Variants in MYO10 observed in about 807,000 individuals in gnomAD.
The protein encoded by MYO10 is unconventional myosin-X.
In MYO10, 133 loss-of-function variants were observed where a neutral mutation model predicts 257.3. The observed-to-expected ratio is 0.52, with a 90% CI of 0.45 to 0.60. The LOEUF (loss-of-function observed/expected upper bound fraction) is 0.60, where lower values mean the gene tolerates loss of function less well. Among genes scored for constraint, MYO10 ranks in the 20% least tolerant of loss-of-function variants. The pLI is 0.00. For missense variants in MYO10, 2,399 were observed against 2,635.7 expected, an observed-to-expected ratio of 0.91 and a Z score of 1.97; for synonymous variants, 1,104 against 1,028.6, an observed-to-expected ratio of 1.07 and a Z score of -1.40.
chr5:16,760,143 C>A lies in MYO10; in HGVS notation c.1739+1321G>T, dbSNP rs1359097003. Among the ~76,000 whole-genome samples, 9 of 152,030 alleles carry A rather than the reference C, an allele frequency of 5.9e-5. No homozygotes were observed. The South Asian group carries it at 1.0e-3, about 18-fold the overall frequency. Reference sequence around the variant, plus strand: ...TTTTCCCTAAACTCTTTCTCTCTTACAAAGCCTCCTAAAAATAGTACACTT... The same window carrying A: ...TTTTCCCTAAACTCTTTCTCTCTTAAAAAGCCTCCTAAAAATAGTACACTT... On this transcript the variant is annotated intron_variant, in intron 17 of 40. Transcript: ENST00000513610.
At chr5:16,766,635 T>C (rs1299154956) in intron 10 of MYO10, among the ~76,000 whole-genome samples, 1 of 152,120 alleles carries the variant, frequency 6.6e-6, no homozygotes, top group Non-Finnish European at 1.5e-5. Flanking sequence ...TTTCATCATG[T>C]TGGCCAGGAT....
At position 16,712,041 on chromosome 5, in the gene MYO10, A is replaced by G. The variant is rs528531447; in HGVS notation, c.1930-796T>C. Among the ~76,000 whole-genome samples the G allele has an allele frequency of 1.2e-4, 18 of 149,066 alleles. 2 individuals are homozygous for G. The South Asian group carries it at 3.7e-3, about 31-fold the overall frequency. ...TATTTTACTTTTTAAATTTGAATTT[A>G]AAGTCATTTTTTACCTAAGAACACA... On this transcript the variant is annotated intron_variant, in intron 19 of 40. Coordinates refer to ENST00000513610, the MANE Select transcript of MYO10 (RefSeq NM_012334.3).
chr5:16,877,428 T>C (rs949143139), intron 2 of MYO10, among the ~76,000 whole-genome samples, 181 bp downstream of exon 2: 1 of 152,220 alleles, frequency 6.6e-6, no homozygotes, highest in South Asian at 2.1e-4. Context: ...GAGAGAACTG[T>C]ATTGTATCTA....
At chr5:16,833,066 C>A (rs1441821240) in intron 2 of MYO10, among the ~76,000 whole-genome samples, 1 of 152,176 alleles carries the variant, frequency 6.6e-6, no homozygotes, top group Non-Finnish European at 1.5e-5. Context: ...TCTTTCAACC[C>A]AGACCTCTAC....
At chr5:16,825,747 G>A (rs1026068459) in intron 2 of MYO10, among the ~76,000 whole-genome samples, 3 of 152,214 alleles carry the variant, frequency 2.0e-5, no homozygotes, top group Non-Finnish European at 4.4e-5. Context: ...TATTCAGGAG[G>A]CTGAGGCATG....
intron 19 of MYO10, among the ~76,000 whole-genome samples, chr5:16,715,562 AGTGCTGGG>A (rs58611862): frequency 1.3e-5 from 2 of 151,230 alleles, no homozygotes; most frequent in African/African-American, 2.4e-5. Flanking sequence ...CGCCTCCCAA[AGTGCTGGG>A]ATTACAGGCA....
intron 19 of MYO10, among the ~76,000 whole-genome samples, chr5:16,740,253 G>A (rs905816796): frequency 1.3e-5 from 2 of 152,132 alleles, no homozygotes; most frequent in African/African-American, 4.8e-5. Context: ...AGCCGCTGGG[G>A]GAGCAAAGTG....
rs1435572705 is a variant in MYO10 at position 16,663,243 on chromosome 5, A to G, written c.*3449T>C. 2.0e-5 allele frequency: 3 copies of G among 151,954 alleles called. No individual in the cohort carries two copies. Among genetic ancestry groups the G allele is most frequent in the African/African-American group, 7.3e-5 (3 of 41,350 alleles). The allele number at this position is 151,954 out of a possible 1,614,324, so 9.4% of individuals were successfully genotyped here. On this transcript the variant is annotated 3_prime_UTR_variant, in exon 41 of 41. Coordinates refer to ENST00000513610, the MANE Select transcript of MYO10 (RefSeq NM_012334.3). ...AATTATTTTTGAGAGAATATTCAAT[A>G]AAACAGTAAAAATAGCTGTTTCTGG...
intron 14 of MYO10, among the ~76,000 whole-genome samples, chr5:16,762,984 A>T (rs2126651128): frequency 6.6e-6 from 1 of 152,074 alleles, no homozygotes; most frequent in South Asian, 2.1e-4. Flanking sequence ...AAAAAAAAAA[A>T]AAAAGTTGAA....
intron 2 of MYO10, among the ~76,000 whole-genome samples, chr5:16,870,345 T>C (rs1176107469): frequency 6.6e-6 from 1 of 151,500 alleles, no homozygotes; most frequent in Non-Finnish European, 1.5e-5. Flanking sequence ...TAAGTAATTA[T>C]GACCCTAAGG....
intron 11 of MYO10, among the ~76,000 whole-genome samples, chr5:16,765,491 AATCT>A (rs991160367): frequency 9.9e-5 from 15 of 152,146 alleles, no homozygotes; most frequent in Non-Finnish European, 1.8e-4. Context: ...TATATCTATC[AATCT>A]ATCTATCATA....
intron 19 of MYO10, among the ~76,000 whole-genome samples, chr5:16,722,072 C>G (rs80147814): frequency 0.014 from 2,068 of 152,264 alleles, 43 homozygotes; most frequent in African/African-American, 0.048. Context: ...CTGAAACTGG[C>G]CTCTCCACCT....
intron 2 of MYO10, among the ~76,000 whole-genome samples, chr5:16,874,225 T>C (rs1744528750): frequency 6.6e-6 from 1 of 150,862 alleles, no homozygotes; most frequent in Non-Finnish European, 1.5e-5. Flanking sequence ...TCCCAGCTAC[T>C]CAGGAGGCTG....
At chr5:16,833,177 T>C (rs1376843399) in intron 2 of MYO10, among the ~76,000 whole-genome samples, 1 of 152,118 alleles carries the variant, frequency 6.6e-6, no homozygotes, top group African/African-American at 2.4e-5. Flanking sequence ...ATTTTGAACT[T>C]TAATTTTAAT....
At chr5:16,911,623 T>C (rs1049060831) in intron 1 of MYO10, among the ~76,000 whole-genome samples, 1 of 152,094 alleles carries the variant, frequency 6.6e-6, no homozygotes, top group Non-Finnish European at 1.5e-5. Flanking sequence ...TCCCAGCTAC[T>C]TGGGTAACTG....
intron 33 of MYO10, among the ~76,000 whole-genome samples, chr5:16,679,409 G>A (rs1011472796): frequency 4.6e-5 from 7 of 152,206 alleles, no homozygotes; most frequent in African/African-American, 1.7e-4. Flanking sequence ...GTGACTCAGC[G>A]AAAATGTCTA....
At chr5:16,697,828 A>G (rs1737827543) in intron 26 of MYO10, among the ~76,000 whole-genome samples, 1 of 152,156 alleles carries the variant, frequency 6.6e-6, no homozygotes, top group African/African-American at 2.4e-5. Context: ...AATATGGGAG[A>G]AAGCAGGAAG....
intron 1 of MYO10, among the ~76,000 whole-genome samples, chr5:16,904,556 G>A (rs891423256): frequency 6.6e-6 from 1 of 152,138 alleles, no homozygotes; most frequent in East Asian, 1.9e-4. Flanking sequence ...ATGAGGGGAC[G>A]CCCAGCTGGT....
intron 19 of MYO10, among the ~76,000 whole-genome samples, chr5:16,749,362 C>T (rs1401186385): frequency 6.6e-6 from 1 of 151,886 alleles, no homozygotes; most frequent in African/African-American, 2.4e-5. Context: ...TTGCACATGC[C>T]TGTAATCTTC....
Sources: gnomAD v4.1 joint callset for allele counts (sites outside exome capture counted in the v4.1 genomes callset) on GRCh38, gnomAD v4.1.1 for gene constraint, MANE v1.5 for transcripts, NCBI Gene and HGNC (gene_info 2026-07-23, HGNC 2026-07-21) for gene names.